RPS6KC1: variants seen among roughly 807,000 people sequenced by gnomAD.
The protein encoded by RPS6KC1 is ribosomal protein S6 kinase C1, also known as inactive ribosomal protein S6 kinase delta-1.
A neutral mutation model predicts 103.8 loss-of-function variants in RPS6KC1; 54 were observed. That is an observed-to-expected ratio of 0.52 (90% CI 0.42 to 0.65). RPS6KC1 has a LOEUF of 0.65. Among genes scored for constraint, RPS6KC1 ranks in the 30% least tolerant of loss-of-function variants. The pLI, the probability that RPS6KC1 is intolerant of heterozygous loss-of-function variation, is 0.00. For synonymous variants in RPS6KC1, 439 were observed against 438.7 expected, an observed-to-expected ratio of 1.00 and a Z score of -0.01; for missense variants, 1,151 against 1,253.8, an observed-to-expected ratio of 0.92 and a Z score of 1.24.
At chr1:213,136,579 C>T (rs916595315) in intron 6 of RPS6KC1, among the ~76,000 whole-genome samples, 1 of 152,156 alleles carries the variant, frequency 6.6e-6, no homozygotes, top group East Asian at 1.9e-4. Context: ...TTTGGTTGTT[C>T]ATGTGTGTTC....
the RPS6KC1 span, among the ~76,000 whole-genome samples, chr1:213,636,396 G>C: frequency 6.6e-6 from 1 of 152,150 alleles, no homozygotes; most frequent in East Asian, 1.9e-4. Flanking sequence ...AAAACAGCAT[G>C]GTACTGGTAC....
At chr1:213,805,449 G>A in the RPS6KC1 span, among the ~76,000 whole-genome samples, 2,901 of 152,322 alleles carry the variant, frequency 0.019, 88 homozygotes, top group African/African-American at 0.063. Context: ...TTCACCAGGA[G>A]TAGATTTCAT....
intron 12 of RPS6KC1, among the ~76,000 whole-genome samples, chr1:213,254,112 T>C (rs561612407): frequency 6.6e-6 from 1 of 152,200 alleles, no homozygotes; most frequent in Non-Finnish European, 1.5e-5. Flanking sequence ...GCACATTTTA[T>C]GTTTTGATAT....
intron 10 of RPS6KC1, among the ~76,000 whole-genome samples, chr1:213,237,672 A>G (rs1016293695): frequency 6.6e-6 from 1 of 152,090 alleles, no homozygotes; most frequent in Non-Finnish European, 1.5e-5. Context: ...CAAATTAACA[A>G]ACTTACTTTG....
intron 5 of RPS6KC1, among the ~76,000 whole-genome samples, chr1:213,127,162 C>T (rs1308949560): frequency 6.6e-6 from 1 of 152,106 alleles, no homozygotes; most frequent in Non-Finnish European, 1.5e-5. Context: ...GAGATATTTT[C>T]AGGGAGTTCA....
At chr1:213,843,531 A>G in the RPS6KC1 span, 1 of 152,242 alleles carries the variant, frequency 6.6e-6, no homozygotes, top group Non-Finnish European at 1.5e-5. Flanking sequence ...CCTTCAGTGC[A>G]GAATAGTAGA....
chr1:213,619,358 T>G, the RPS6KC1 span, among the ~76,000 whole-genome samples: 1 of 146,350 alleles, frequency 6.8e-6, no homozygotes. Flanking sequence ...AGCAGACTTC[T>G]CCTTACATTT....
At chr1:213,393,776 A>G in the RPS6KC1 span, among the ~76,000 whole-genome samples, 2 of 152,170 alleles carry the variant, frequency 1.3e-5, no homozygotes, top group African/African-American at 2.4e-5. Context: ...AGGGCAGACA[A>G]TGGTTTCAGG....
chr1:213,657,464 T>A, the RPS6KC1 span, among the ~76,000 whole-genome samples: 1 of 152,130 alleles, frequency 6.6e-6, no homozygotes, highest in South Asian at 2.1e-4. Flanking sequence ...TTTAAAAAAA[T>A]ATTTTTTTGC....
the RPS6KC1 span, among the ~76,000 whole-genome samples, chr1:213,336,067 G>A: frequency 2.6e-5 from 4 of 152,096 alleles, no homozygotes; most frequent in South Asian, 2.1e-4. Flanking sequence ...AAATCAACAC[G>A]GAGTCAAGTT....
At chr1:213,137,665 T>G (rs2086446779) in intron 6 of RPS6KC1, among the ~76,000 whole-genome samples, 1 of 151,444 alleles carries the variant, frequency 6.6e-6, no homozygotes. Context: ...GATGCCAACC[T>G]GTGTTTGGCA....
At chr1:213,768,541 A>T in the RPS6KC1 span, among the ~76,000 whole-genome samples, 1 of 152,242 alleles carries the variant, frequency 6.6e-6, no homozygotes, top group Non-Finnish European at 1.5e-5. Context: ...CCTTATATCC[A>T]AATGATAATT....
At chr1:213,659,238 T>G in the RPS6KC1 span, among the ~76,000 whole-genome samples, 1 of 152,092 alleles carries the variant, frequency 6.6e-6, no homozygotes, top group Non-Finnish European at 1.5e-5. Flanking sequence ...GTGCTGGGAT[T>G]ACAGGTGTGA....
At chr1:213,764,336 CA>C in the RPS6KC1 span, among the ~76,000 whole-genome samples, 11 of 152,182 alleles carry the variant, frequency 7.2e-5, no homozygotes, top group Non-Finnish European at 1.6e-4. Context: ...AGGTGAATTT[CA>C]GCACTCCTCT....
chr1:213,833,624 A>T, the RPS6KC1 span, among the ~76,000 whole-genome samples: 1 of 152,166 alleles, frequency 6.6e-6, no homozygotes, highest in Non-Finnish European at 1.5e-5. Flanking sequence ...GAGGAGATTC[A>T]GTGCTCTTTA....
chr1:213,530,422 C>T, the RPS6KC1 span, among the ~76,000 whole-genome samples: 1 of 152,354 alleles, frequency 6.6e-6, no homozygotes, highest in South Asian at 2.1e-4. Flanking sequence ...TGTTCCTATA[C>T]ATGACATTCC....
chr1:213,734,012 T>C, the RPS6KC1 span, among the ~76,000 whole-genome samples: 1 of 152,218 alleles, frequency 6.6e-6, no homozygotes, highest in African/African-American at 2.4e-5. Context: ...CCCATCTTCC[T>C]AATGGAAAAA....
the RPS6KC1 span, among the ~76,000 whole-genome samples, chr1:213,516,621 A>G: frequency 3.3e-5 from 5 of 152,086 alleles, no homozygotes; most frequent in Non-Finnish European, 5.9e-5. Flanking sequence ...GTGCTGCTGG[A>G]TTCAGTTTGC....
At chr1:213,458,585 T>C in the RPS6KC1 span, among the ~76,000 whole-genome samples, 1 of 152,150 alleles carries the variant, frequency 6.6e-6, no homozygotes, top group Non-Finnish European at 1.5e-5. Context: ...ACTCTTCCTA[T>C]TTGAATACCC....
Sources: gnomAD v4.1 joint callset for allele counts (sites outside exome capture counted in the v4.1 genomes callset) on GRCh38, gnomAD v4.1.1 for gene constraint, MANE v1.5 for transcripts, NCBI Gene and HGNC (gene_info 2026-07-23, HGNC 2026-07-21) for gene names.